Variants in FBXL5 observed in about 807,000 individuals in gnomAD.
FBXL5 encodes the protein F-box/LRR-repeat protein 5.
A neutral mutation model predicts 78.3 loss-of-function variants in FBXL5; 26 were observed. The observed-to-expected ratio is 0.33, with a 90% confidence interval of 0.24 to 0.46. The LOEUF is 0.46. FBXL5 is among the 20% of genes least tolerant of loss of function. The probability of loss-of-function intolerance (pLI) is 1.00; values close to 1 mark genes in which losing one functional copy is unlikely to be tolerated. For synonymous variants in FBXL5, 295 were observed against 282.5 expected, an observed-to-expected ratio of 1.04 and a Z score of -0.45; for missense variants, 710 against 829.2, an observed-to-expected ratio of 0.86 and a Z score of 1.77.
chr4:15,634,031 C>T (rs943557029), intron 5 of FBXL5, among the ~76,000 whole-genome samples: 2 of 152,054 alleles, frequency 1.3e-5, no homozygotes, highest in Non-Finnish European at 2.9e-5. Context: ...ACAACCCTGG[C>T]CTCTACCTAC....
intron 10 of FBXL5, among the ~76,000 whole-genome samples, chr4:15,609,394 T>C (rs35120298): frequency 0.2 from 31,065 of 152,008 alleles, 3,425 homozygotes; most frequent in Non-Finnish European, 0.25. Flanking sequence ...ACTTTTATTA[T>C]TGAATAACTT....
intron 1 of FBXL5, among the ~76,000 whole-genome samples, chr4:15,680,922 A>AAT (rs935128223): frequency 6.0e-4 from 89 of 148,584 alleles, no homozygotes; most frequent in African/African-American, 2.0e-3. Flanking sequence ...TATATATAAG[A>AAT]ATATATATAT....
chr4:15,648,041 G>C (rs1715549827), intron 1 of FBXL5, among the ~76,000 whole-genome samples: 2 of 152,208 alleles, frequency 1.3e-5, no homozygotes, highest in South Asian at 4.1e-4. Flanking sequence ...TTATTTTTTA[G>C]AGACGGGGTC....
exon 1 of FBXL5, chr4:15,681,417 A>T: frequency 5.8e-6 from 1 of 173,554 alleles, no homozygotes; most frequent in South Asian, 1.5e-4. Flanking sequence ...CTGCTGCGCC[A>T]ACCGAAAGGC....
At chr4:15,611,355 G>A (rs1401078368) in intron 10 of FBXL5, among the ~76,000 whole-genome samples, 1 of 152,056 alleles carries the variant, frequency 6.6e-6, no homozygotes, top group Non-Finnish European at 1.5e-5. Context: ...TGTTCTGCCT[G>A]AGAAAAATTT....
intron 1 of FBXL5, among the ~76,000 whole-genome samples, chr4:15,647,101 T>C (rs1303880082): frequency 6.6e-6 from 1 of 150,912 alleles, no homozygotes; most frequent in Non-Finnish European, 1.5e-5. Flanking sequence ...TGTGCACCTG[T>C]AGTCCCAGCT....
Position 15,625,659 on chromosome 4 carries a change from C to A in FBXL5, c.1443G>T (p.Met481Ile), listed in dbSNP as rs1265944708. Residue 481 changes from methionine (M) to isoleucine (I), a missense_variant, in exon 9 of 11, where the codon ATG becomes ATT. Physicochemically the swap from Met to Ile is conservative, Grantham distance 10. Coordinates refer to ENST00000341285, the MANE Select transcript of FBXL5 (RefSeq NM_012161.4). ...SENFTSPYVWMLDAEDLADIE... is the reference protein window; with the variant it reads ...SENFTSPYVWILDAEDLADIE... ...TATCAGCCAAATCTTCAGCATCTAA[C>A]ATCCACACATAAGGAGAAGTGAAAT... is the stretch of plus-strand genomic sequence containing the variant. 3 of 1,614,206 alleles carry A rather than the reference C, an allele frequency of 1.9e-6. No individual in the cohort carries two copies. Among genetic ancestry groups the A allele is most frequent in the Non-Finnish European group, 2.5e-6 (3 of 1,180,046 alleles).
chr4:15,673,549 T>C (rs1018525412), intron 1 of FBXL5, among the ~76,000 whole-genome samples: 13 of 152,138 alleles, frequency 8.5e-5, no homozygotes, highest in African/African-American at 2.9e-4. Context: ...CACTAGGTGG[T>C]AGGAATTTTC....
chr4:15,655,469 G>C (rs1319723186), upstream of FBXL5: 1 of 876,114 alleles, frequency 1.1e-6, no homozygotes, highest in Admixed American at 6.2e-5. Flanking sequence ...GATCCCTGCG[G>C]CCCACGTGAC....
rs759995312 is a variant in FBXL5 at position 15,625,543 on chromosome 4, C to T, written c.1559G>A (p.Cys520Tyr). ...TAGTCCAACAATGTCCTTACTAAAA[C>T]AACCAGAGGTGGAACAACTAAAGTT... ...ASNFSCSTSG[C>Y]FSKDIVGLRT... The change falls in exon 9 of 11, where the codon TGT (cysteine) becomes TAT (tyrosine). Residue 520 changes from cysteine (C) to tyrosine (Y), a missense_variant. Cys to Tyr is a radical substitution (Grantham distance 194). Coordinates refer to ENST00000341285, the MANE Select transcript of FBXL5 (RefSeq NM_012161.4). 6.2e-7 allele frequency: 1 copy of T among 1,614,170 alleles called. No individual in the cohort carries two copies. The highest frequency in any genetic ancestry group is 8.5e-7 in the Non-Finnish European group (1 of 1,180,030).
intron 1 of FBXL5, among the ~76,000 whole-genome samples, chr4:15,675,294 T>C (rs961900239): frequency 9.2e-5 from 14 of 152,080 alleles, no homozygotes; most frequent in African/African-American, 3.4e-4. Flanking sequence ...TAGAAATTAA[T>C]ATGGGAAGCA....
chr4:15,630,842 G>C, intron 5 of FBXL5, 51 bp from the exon 6 acceptor site: 1 of 1,600,556 alleles, frequency 6.2e-7, no homozygotes, highest in South Asian at 1.1e-5. Context: ...CAGATTGCCT[G>C]CAATTATGAA....
chr4:15,632,043 T>C (rs1340595851), intron 5 of FBXL5, among the ~76,000 whole-genome samples: 2 of 152,226 alleles, frequency 1.3e-5, no homozygotes, highest in African/African-American at 2.4e-5. Flanking sequence ...GTTTTTATGG[T>C]TTTAGGTCTA....
intron 1 of FBXL5, among the ~76,000 whole-genome samples, chr4:15,669,743 T>C (rs1455027624): frequency 6.6e-6 from 1 of 152,344 alleles, no homozygotes; most frequent in East Asian, 1.9e-4. Context: ...GTCAGTACTT[T>C]TTTTCTTATT....
chr4:15,636,660 T>C lies in FBXL5; in HGVS notation c.600A>G (p.Glu200=). 1.9e-6 allele frequency: 3 copies of C among 1,564,434 alleles called. No homozygotes were observed. In the South Asian group the frequency reaches 3.6e-5, roughly 19 times the overall value. Reference sequence around the variant, plus strand: ...GAAGATGGGTTATACCTGTGGAGTGTTCTGACACTTCTGCTTCTGAAATAA... The same window carrying C: ...GAAGATGGGTTATACCTGTGGAGTGCTCTGACACTTCTGCTTCTGAAATAA... The part of the protein sequence containing the change: ...EKSDKEAEVS[E]HSTGITHLPP... Residue 200 remains glutamate, a synonymous_variant, in exon 5 of 11, where the codon GAA becomes GAG. Coordinates refer to ENST00000341285, the MANE Select transcript of FBXL5 (RefSeq NM_012161.4).
At chr4:15,636,211 T>C (rs1395321966) in intron 5 of FBXL5, among the ~76,000 whole-genome samples, 1 of 152,210 alleles carries the variant, frequency 6.6e-6, no homozygotes, top group African/African-American at 2.4e-5. Flanking sequence ...CCCATGTATC[T>C]ATCACTTATC....
intron 1 of FBXL5, among the ~76,000 whole-genome samples, chr4:15,680,736 A>C (rs1718211376): frequency 6.6e-6 from 1 of 152,046 alleles, no homozygotes; most frequent in African/African-American, 2.4e-5. Context: ...TGACTGTGTA[A>C]TCCTACAAGA....
At chr4:15,631,710 CGT>C (rs1417410204) in intron 5 of FBXL5, among the ~76,000 whole-genome samples, 1 of 152,108 alleles carries the variant, frequency 6.6e-6, no homozygotes, top group Non-Finnish European at 1.5e-5. Context: ...GCTGCATAAA[CGT>C]CTTCCTTTGA....
chr4:15,679,562 C>CAAAAAAA (rs1202369624), intron 1 of FBXL5, among the ~76,000 whole-genome samples: 7 of 94,282 alleles, frequency 7.4e-5, no homozygotes, highest in Non-Finnish European at 1.4e-4. Flanking sequence ...AGTTCAGGAA[C>CAAAAAAA]AAAAAAAAAA....
Sources: gnomAD v4.1 joint callset for allele counts (sites outside exome capture counted in the v4.1 genomes callset) on GRCh38, gnomAD v4.1.1 for gene constraint, MANE v1.5 for transcripts, NCBI Gene and HGNC (gene_info 2026-07-23, HGNC 2026-07-21) for gene names.